Variants in EVL observed in about 807,000 individuals in gnomAD.
The protein encoded by EVL is Enah/Vasp-like, also known as ena/VASP-like protein.
In EVL, 21 loss-of-function variants were observed where a neutral mutation model predicts 59.6. The ratio of observed to expected loss-of-function variants is 0.35; its 90% CI spans 0.25 to 0.51. The LOEUF (loss-of-function observed/expected upper bound fraction) is 0.51. Among genes scored for constraint, EVL ranks in the 20% least tolerant of loss-of-function variants. The pLI is 0.97. For synonymous variants in EVL, 198 were observed against 203.5 expected (o/e 0.97, Z 0.23); for missense variants, 462 against 546.6 (o/e 0.85, Z 1.54).
chr14:100,044,186 G>A (rs1202747113), intron 1 of EVL, among the ~76,000 whole-genome samples: 4 of 152,112 alleles, frequency 2.6e-5, no homozygotes, highest in African/African-American at 9.7e-5. Flanking sequence ...GTATTACAGT[G>A]TGCACCCATT....
At chr14:99,985,976 G>T (rs564375897) in intron 1 of EVL, among the ~76,000 whole-genome samples, 1 of 151,936 alleles carries the variant, frequency 6.6e-6, no homozygotes, top group Non-Finnish European at 1.5e-5. Flanking sequence ...AAACCTTGGA[G>T]CCTCTTTGCT....
At chr14:100,024,838 TC>T (rs2061183644) in intron 1 of EVL, among the ~76,000 whole-genome samples, 2 of 152,066 alleles carry the variant, frequency 1.3e-5, no homozygotes, top group South Asian at 4.2e-4. Flanking sequence ...TCCTGTCCTT[TC>T]TTCAGTCTTC....
intron 1 of EVL, among the ~76,000 whole-genome samples, chr14:100,031,637 G>C (rs966696147): frequency 4.6e-5 from 7 of 152,174 alleles, no homozygotes; most frequent in African/African-American, 1.7e-4. Context: ...TCAGTGACTA[G>C]TCACTGGGCT....
Position 99,996,946 on chromosome 14 carries a change from G to A in EVL, c.5+24889G>A, listed in dbSNP as rs140414307. On this transcript the variant is annotated intron_variant, in intron 1 of 13. Coordinates refer to the EVL transcript ENST00000402714. Reference sequence around the variant, plus strand: ...ATTACAGACGTGAGCCACTGCGCTCGGCCTACTGCCCTCTTTTTATAGGGG... The same window carrying A: ...ATTACAGACGTGAGCCACTGCGCTCAGCCTACTGCCCTCTTTTTATAGGGG... Among the ~76,000 whole-genome samples the A allele has an allele frequency of 1.6e-3, 244 of 152,288 alleles. 1 individual carries two copies. Among genetic ancestry groups the A allele is most frequent in the South Asian group, 5.8e-3 (28 of 4,822 alleles).
chr14:100,092,692 G>A (rs2062589880), intron 2 of EVL, among the ~76,000 whole-genome samples: 1 of 152,158 alleles, frequency 6.6e-6, no homozygotes, highest in Non-Finnish European at 1.5e-5. Flanking sequence ...CTGAGATTGT[G>A]CCATTACACT....
At chr14:100,091,505 G>A (rs988729236) in intron 2 of EVL, among the ~76,000 whole-genome samples, 2 of 152,194 alleles carry the variant, frequency 1.3e-5, no homozygotes, top group African/African-American at 2.4e-5. Flanking sequence ...AGAGTTGGGA[G>A]AGCTTCCAGA....
chr14:100,070,660 G>T (rs756457678), intron 1 of EVL, among the ~76,000 whole-genome samples: 2 of 152,214 alleles, frequency 1.3e-5, no homozygotes, highest in African/African-American at 4.8e-5. Flanking sequence ...GAGTCCAAGT[G>T]GCTACTTGTG....
At position 100,127,721 on chromosome 14, in the gene EVL, G is replaced by A. The variant is rs1404071279; in HGVS notation, c.488-798G>A. ...GTGTCCCAGCTCCACAGTCACTTCC[G>A]TGAGGACGTCATGGAGGACGTCCGT... is the stretch of plus-strand genomic sequence containing the variant. On this transcript the variant is annotated intron_variant, in intron 5 of 13. Transcript: ENST00000392920. The surrounding 1 kb of genome is among the most constrained non-coding windows in gnomAD (Gnocchi z 4.2). Among the ~76,000 whole-genome samples, 2 of 152,162 alleles carry A rather than the reference G, an allele frequency of 1.3e-5. No homozygotes were observed. The highest frequency in any genetic ancestry group is 6.5e-5 in the Admixed American group (1 of 15,276).
At chr14:99,981,042 G>A (rs1372781603) in intron 1 of EVL, among the ~76,000 whole-genome samples, 1 of 151,524 alleles carries the variant, frequency 6.6e-6, no homozygotes. Context: ...TGAGACCGGC[G>A]GCGGTGGGCA....
chr14:100,060,199 G>A (rs1404265113), intron 1 of EVL, among the ~76,000 whole-genome samples: 2 of 151,910 alleles, frequency 1.3e-5, no homozygotes, highest in African/African-American at 4.8e-5. Context: ...GGGAGGCCGA[G>A]GCGGGCGGAT....
chr14:100,040,312 A>G (rs1450223645), intron 1 of EVL, among the ~76,000 whole-genome samples: 1 of 152,048 alleles, frequency 6.6e-6, no homozygotes, highest in Non-Finnish European at 1.5e-5. Context: ...TTCACAATCT[A>G]CCATGTAGCT....
At position 100,137,573 on chromosome 14, in the gene EVL, G is replaced by A. The variant is rs143859818; in HGVS notation, c.965-5G>A. 1.2e-6 allele frequency: 2 copies of A among 1,613,838 alleles called. No individual in the cohort carries two copies. On this transcript the variant is annotated splice_region_variant and splice_polypyrimidine_tract_variant and intron_variant, in intron 9 of 13. Coordinates refer to ENST00000392920, the MANE Select transcript of EVL (RefSeq NM_016337.3). ...AGGTTCTTCATCCATGAAATGAACT[G>A]ACAGAGGCTGGCCGGAAGCCCTGGG...
chr14:100,117,358 G>T (rs1040752103), intron 3 of EVL, among the ~76,000 whole-genome samples: 2 of 152,140 alleles, frequency 1.3e-5, no homozygotes, highest in African/African-American at 4.8e-5. Flanking sequence ...CCAAGAAGGG[G>T]CTCCGCCAGG....
In EVL at chr14:99,972,130, T is replaced by A. The variant is rs1460989232; in HGVS notation, c.5+73T>A. ...GAGGGGCTGGGCTGGGGGCCCGCGG[T>A]GCCCCCGAGGGCGGGAGGGGGGCTC... is the stretch of plus-strand genomic sequence containing the variant. On this transcript the variant is annotated intron_variant, in intron 1 of 13. Coordinates refer to the EVL transcript ENST00000402714. The surrounding 1 kb of genome is among the most constrained non-coding windows in gnomAD (Gnocchi z 4.4). 2 of 282,374 alleles carry A rather than the reference T, an allele frequency of 7.1e-6. No individual in the cohort carries two copies. The highest frequency in any genetic ancestry group is 4.5e-5 in the African/African-American group (2 of 44,564). The allele number at this position is 282,374 out of a possible 1,614,324, so 17.5% of individuals were successfully genotyped here. A position where few individuals can be genotyped will look rare whatever the true frequency, so the allele number is the denominator to read the frequency against.
intron 4 of EVL, 143 bp downstream of exon 4, chr14:100,123,745 G>C: frequency 4.0e-6 from 3 of 759,150 alleles, no homozygotes; most frequent in Non-Finnish European, 6.4e-6. Context: ...CAAGGTGCAA[G>C]CCAGACCAGG....
chr14:100,092,393 G>A (rs1194649677), intron 2 of EVL, among the ~76,000 whole-genome samples: 1 of 152,170 alleles, frequency 6.6e-6, no homozygotes, highest in East Asian at 1.9e-4. Context: ...TCCATCAGCA[G>A]GAGAATGGAG....
intron 1 of EVL, among the ~76,000 whole-genome samples, chr14:100,002,920 TC>T (rs1331343372): frequency 6.6e-6 from 1 of 152,230 alleles, no homozygotes; most frequent in Non-Finnish European, 1.5e-5. Context: ...AATTTTATAA[TC>T]TATAATATTT....
intron 2 of EVL, among the ~76,000 whole-genome samples, chr14:100,095,727 G>T (rs1396509867): frequency 1.3e-5 from 2 of 152,000 alleles, no homozygotes; most frequent in African/African-American, 4.8e-5. Context: ...AGGTTTTGTT[G>T]TTGTTGTTGT....
chr14:100,018,777 C>G (rs1365191924), intron 1 of EVL, among the ~76,000 whole-genome samples: 1 of 152,148 alleles, frequency 6.6e-6, no homozygotes, highest in African/African-American at 2.4e-5. Context: ...AGTTGCAACC[C>G]GAATGCTGAA....
Sources: gnomAD v4.1 joint callset for allele counts (sites outside exome capture counted in the v4.1 genomes callset) on GRCh38, gnomAD v4.1.1 for gene constraint, Gnocchi (gnomAD v3.1) non-coding constraint, MANE v1.5 for transcripts, NCBI Gene and HGNC (gene_info 2026-07-23, HGNC 2026-07-21) for gene names.